Variants in ROBO1 observed in about 807,000 individuals in gnomAD.
ROBO1 encodes the protein roundabout homolog 1.
In ROBO1, 149 loss-of-function variants were observed where a neutral mutation model predicts 195.9. The observed-to-expected ratio is 0.76, with a 90% CI of 0.67 to 0.87. The LOEUF is 0.87. Among genes scored for constraint, ROBO1 ranks in the 40% least tolerant of loss-of-function variants. The pLI is 0.00. For synonymous variants in ROBO1, 816 were observed against 733.2 expected (o/e 1.11, Z -1.82); for missense variants, 1,933 against 2,068.3 (o/e 0.93, Z 1.27).
At chr3:79,565,476 A>C (rs1266596019) in intron 2 of ROBO1, among the ~76,000 whole-genome samples, 1 of 152,088 alleles carries the variant, frequency 6.6e-6, no homozygotes, top group Non-Finnish European at 1.5e-5. Flanking sequence ...ATCCTAAAAA[A>C]TGAAATTTTT....
chr3:78,916,415 G>A (rs529738017), intron 4 of ROBO1, among the ~76,000 whole-genome samples: 2 of 151,434 alleles, frequency 1.3e-5, no homozygotes, highest in East Asian at 3.9e-4. Context: ...AGCCAGGTGT[G>A]GGGGCGGGTG....
chr3:78,736,573 C>T (rs1470963245), intron 5 of ROBO1, among the ~76,000 whole-genome samples: 1 of 152,058 alleles, frequency 6.6e-6, no homozygotes, highest in African/African-American at 2.4e-5. Context: ...TGCCAAGACT[C>T]TCATATATCG....
intron 5 of ROBO1, among the ~76,000 whole-genome samples, chr3:78,745,535 T>C (rs934300929): frequency 1.3e-5 from 2 of 152,142 alleles, no homozygotes; most frequent in Non-Finnish European, 2.9e-5. Context: ...GAATCTGTTA[T>C]CACTAACAAG....
At chr3:79,678,965 GA>G (rs1946864103) in intron 1 of ROBO1, among the ~76,000 whole-genome samples, 1 of 151,868 alleles carries the variant, frequency 6.6e-6, no homozygotes, top group Non-Finnish European at 1.5e-5. Flanking sequence ...GAATACTATG[GA>G]AAAAGGTAAT....
At chr3:79,287,864 CA>C (rs2031986548) in intron 2 of ROBO1, among the ~76,000 whole-genome samples, 1 of 151,268 alleles carries the variant, frequency 6.6e-6, no homozygotes, top group Non-Finnish European at 1.5e-5. Flanking sequence ...TGTCTCTTTG[CA>C]GTTATATAGT....
chr3:79,220,910 T>C (rs1159691304), intron 2 of ROBO1, among the ~76,000 whole-genome samples: 3 of 152,050 alleles, frequency 2.0e-5, no homozygotes, highest in Admixed American at 6.6e-5. Flanking sequence ...CTGTACACTG[T>C]AGGATGTTTA....
At chr3:79,681,714 T>C (rs377421480) in intron 1 of ROBO1, among the ~76,000 whole-genome samples, 3 of 151,956 alleles carry the variant, frequency 2.0e-5, no homozygotes, top group Non-Finnish European at 4.4e-5. Flanking sequence ...GGAGATTTGG[T>C]AGGCCTACTC....
intron 2 of ROBO1, among the ~76,000 whole-genome samples, chr3:79,207,730 C>T (rs2081895335): frequency 6.6e-6 from 1 of 151,404 alleles, no homozygotes; most frequent in Admixed American, 6.6e-5. Context: ...AAAGAATCCC[C>T]CTAATTTCTT....
chr3:79,016,786 A>T (rs2077950436), intron 3 of ROBO1, among the ~76,000 whole-genome samples: 1 of 152,214 alleles, frequency 6.6e-6, no homozygotes, highest in Non-Finnish European at 1.5e-5. Flanking sequence ...CACTTTACAC[A>T]CGTAAATAAA....
At chr3:79,525,036 C>A (rs994112490) in intron 2 of ROBO1, among the ~76,000 whole-genome samples, 2 of 151,808 alleles carry the variant, frequency 1.3e-5, no homozygotes, top group East Asian at 3.9e-4. Flanking sequence ...TACTTGGAAA[C>A]CTGTCATAAA....
At chr3:78,631,931 G>A (rs1318641155) in intron 24 of ROBO1, among the ~76,000 whole-genome samples, 1 of 152,154 alleles carries the variant, frequency 6.6e-6, no homozygotes, top group Non-Finnish European at 1.5e-5. Context: ...AAATGATGTT[G>A]CTTGAACATT....
chr3:78,685,999 A>C, intron 9 of ROBO1, 82 bp from the exon 10 acceptor site: 1 of 1,129,864 alleles, frequency 8.9e-7, no homozygotes, highest in Non-Finnish European at 1.3e-6. Context: ...ATGCATTTAC[A>C]TGTAAAAACA....
At chr3:79,140,676 G>A (rs761578541) in intron 2 of ROBO1, among the ~76,000 whole-genome samples, 9 of 152,138 alleles carry the variant, frequency 5.9e-5, no homozygotes, top group Non-Finnish European at 1.3e-4. Flanking sequence ...CTCCTGCAAT[G>A]AGAAAACACA....
At position 78,637,279 on chromosome 3, in the gene ROBO1, G is replaced by A. The variant is rs76193824; in HGVS notation, c.3038-1171C>T. On this transcript the variant is annotated intron_variant, in intron 22 of 30. Coordinates refer to ENST00000464233, the MANE Select transcript of ROBO1 (RefSeq NM_002941.4). ...CTATTCTGCATTTCAACCATGAACC[G>A]TCAGGGAACAGAAATATTTGATTCA... is the stretch of plus-strand genomic sequence containing the variant. Among the ~76,000 whole-genome samples, 718 of 152,012 alleles carry A rather than the reference G, an allele frequency of 4.7e-3. 4 individuals carry two copies. The highest frequency in any genetic ancestry group is 0.016 in the African/African-American group (673 of 41,470).
intron 1 of ROBO1, among the ~76,000 whole-genome samples, chr3:79,658,332 AGTGGGAAT>A (rs1462905427): frequency 3.9e-5 from 6 of 152,108 alleles, no homozygotes; most frequent in Non-Finnish European, 7.4e-5. Flanking sequence ...TATTAGTAAT[AGTGGGAAT>A]ATTTCAAATA....
intron 4 of ROBO1, among the ~76,000 whole-genome samples, chr3:78,879,217 CA>C (rs1342636784): frequency 6.6e-6 from 1 of 152,118 alleles, no homozygotes; most frequent in Admixed American, 6.6e-5. Flanking sequence ...ATTTATAACA[CA>C]ATGATATTAC....
intron 2 of ROBO1, among the ~76,000 whole-genome samples, chr3:79,259,080 T>C (rs935455856): frequency 2.6e-5 from 4 of 151,886 alleles, no homozygotes; most frequent in Non-Finnish European, 5.9e-5. Flanking sequence ...AATTTCCTAC[T>C]TTTTTTTCCA....
chr3:79,106,322 A>AT (rs1221430865), intron 3 of ROBO1, among the ~76,000 whole-genome samples: 1 of 151,582 alleles, frequency 6.6e-6, no homozygotes, highest in Admixed American at 6.6e-5. Flanking sequence ...AGTGCGGCTC[A>AT]TTTTTTTATT....
chr3:78,800,544 TTTTG>T (rs149509521), intron 4 of ROBO1, among the ~76,000 whole-genome samples: 4,183 of 151,826 alleles, frequency 0.028, 147 homozygotes, highest in African/African-American at 0.085. Context: ...TGAAGCTGTT[TTTTG>T]TTTGTTTGTT....
Sources: allele counts gnomAD v4.1 joint callset (sites outside exome capture counted in the v4.1 genomes callset), GRCh38; gene constraint gnomAD v4.1.1; transcripts MANE v1.5; gene names NCBI Gene and HGNC (gene_info 2026-07-23, HGNC 2026-07-21).